Variants in TRIO observed in about 807,000 individuals in gnomAD.
The protein encoded by TRIO is triple functional domain protein.
A neutral mutation model predicts 351.9 loss-of-function variants in TRIO; 58 were observed. The ratio of observed to expected loss-of-function variants is 0.16; its 90% CI spans 0.13 to 0.21. The LOEUF (loss-of-function observed/expected upper bound fraction) is 0.21, where lower values mean the gene tolerates loss of function less well. Ranked by LOEUF, TRIO falls within the 10% of genes least tolerant of loss-of-function variation. The pLI is 1.00. For synonymous variants in TRIO, 1,758 were observed against 1,595.7 expected, an observed-to-expected ratio of 1.10 and a Z score of -2.42; for missense variants, 3,201 against 4,027.8, an observed-to-expected ratio of 0.79 and a Z score of 5.56.
chr5:14,405,707 A>T, intron 31 of TRIO, 141 bp from the exon 32 acceptor site: 1 of 965,098 alleles, frequency 1.0e-6, no homozygotes, highest in Non-Finnish European at 1.5e-6. Flanking sequence ...GTAGCATATT[A>T]AACGTCGGAT....
rs1249325273 is a variant in TRIO at position 14,488,109 on chromosome 5, C to T, written c.7481C>T (p.Ala2494Val). 1.2e-6 allele frequency: 2 copies of T among 1,609,600 alleles called. No individual in the cohort carries two copies. Among genetic ancestry groups the T allele is most frequent in the Non-Finnish European group, 1.7e-6 (2 of 1,179,202 alleles). The change falls in exon 48 of 57, where the codon GCC becomes GTC. Residue 2494 changes from alanine (A) to valine (V), a missense_variant. By Grantham distance (64) the Ala-to-Val change is moderately conservative. Around this residue, in one of 19 missense-constraint regions of TRIO, gnomAD observed 1,089 missense variants for 954.9 expected, o/e 1.14. Coordinates refer to ENST00000344204, the MANE Select transcript of TRIO (RefSeq NM_007118.4). Reference protein sequence around the residue: ...SFWSSIPASPASRPGSFTFPG... With the variant: ...SFWSSIPASPVSRPGSFTFPG... ...TGGAGCTCCATCCCCGCCTCCCCCG[C>T]CAGCCGACCCGGCTCCTTCACCTTC...
intron 8 of TRIO, among the ~76,000 whole-genome samples, chr5:14,313,376 A>T (rs1454002954): frequency 1.3e-5 from 2 of 152,122 alleles, no homozygotes; most frequent in Non-Finnish European, 2.9e-5. Flanking sequence ...TGGCATGGAG[A>T]TCTGTTAAAC....
intron 1 of TRIO, among the ~76,000 whole-genome samples, chr5:14,265,370 G>T (rs370424095): frequency 7.5e-6 from 1 of 133,038 alleles, no homozygotes; most frequent in South Asian, 2.5e-4. Flanking sequence ...TAAAATTTCA[G>T]ATTACTAGTA....
chr5:14,251,359 G>A (rs7703674), intron 1 of TRIO, among the ~76,000 whole-genome samples: 1 of 152,082 alleles, frequency 6.6e-6, no homozygotes, highest in African/African-American at 2.4e-5. Flanking sequence ...CAGCACTCAC[G>A]GGCAGCACGT....
Position 14,507,949 on chromosome 5 carries a change from G to T in TRIO, c.8821G>T (p.Val2941Phe), listed in dbSNP as rs767953889. The T allele has an allele frequency of 1.2e-6, 2 of 1,614,212 alleles. No individual in the cohort carries two copies. The change falls in exon 57 of 57, where the codon GTT (valine) becomes TTT (phenylalanine). Residue 2941 changes from valine to phenylalanine, a missense_variant. Physicochemically the swap from Val to Phe is conservative, Grantham distance 50. Transcript: ENST00000344204. Reference sequence around the variant, plus strand: ...CAAACTGGCTGACTTTGGAGATGCTGTTCAGCTCAACACGACCTACTACAT... The same window carrying T: ...CAAACTGGCTGACTTTGGAGATGCTTTTCAGCTCAACACGACCTACTACAT... ...TIKLADFGDA[V>F]QLNTTYYIHQ...
At chr5:14,343,288 T>C (rs938129242) in intron 11 of TRIO, among the ~76,000 whole-genome samples, 4 of 152,162 alleles carry the variant, frequency 2.6e-5, no homozygotes, top group Non-Finnish European at 4.4e-5. Context: ...GTGTGTTTAG[T>C]CCTGTGCAAT....
At chr5:14,159,824 C>T (rs1721797737) in intron 1 of TRIO, among the ~76,000 whole-genome samples, 1 of 152,190 alleles carries the variant, frequency 6.6e-6, no homozygotes, top group Non-Finnish European at 1.5e-5. Flanking sequence ...CTCGGCCTCC[C>T]AAAGTGCTGG....
chr5:14,396,441 A>ATCTTTTTTTTTTTTT (rs1747590367), intron 28 of TRIO, among the ~76,000 whole-genome samples: 1 of 57,692 alleles, frequency 1.7e-5, no homozygotes, highest in Non-Finnish European at 4.0e-5. Context: ...ATTTCTATTT[A>ATCTTTTTTTTTTTTT]TCTTTTTTTT....
rs73057531 is a variant in TRIO, at chr5:14,210,083, G to A, written c.158-60742G>A. Among the ~76,000 whole-genome samples the A allele has an allele frequency of 8.0e-3, 1,215 of 152,374 alleles. 18 individuals carry two copies. The highest frequency in any genetic ancestry group is 0.028 in the African/African-American group (1,156 of 41,586). ...GCTGGGGCCACAACTAGGGCAGCGA[G>A]TGCAGGGTATGGCGCCCCAGGTGGG... On this transcript the variant is annotated intron_variant, in intron 1 of 56. Coordinates refer to ENST00000344204, the MANE Select transcript of TRIO (RefSeq NM_007118.4).
At chr5:14,410,793 G>A (rs955488468) in intron 33 of TRIO, among the ~76,000 whole-genome samples, 1 of 152,148 alleles carries the variant, frequency 6.6e-6, no homozygotes, top group Non-Finnish European at 1.5e-5. Context: ...CCCTGGAGAC[G>A]CCCTCTTTCC....
intron 35 of TRIO, among the ~76,000 whole-genome samples, chr5:14,461,936 T>C (rs1753849812): frequency 6.6e-6 from 1 of 152,234 alleles, no homozygotes; most frequent in Non-Finnish European, 1.5e-5. Context: ...ATTTTTTATG[T>C]CCTATTGACA....
intron 34 of TRIO, among the ~76,000 whole-genome samples, chr5:14,422,072 T>C (rs1008315291): frequency 1.3e-5 from 2 of 152,178 alleles, no homozygotes; most frequent in Non-Finnish European, 2.9e-5. Flanking sequence ...CACTCTCTCC[T>C]TTTGAGCCTC....
In TRIO at chr5:14,265,787, T is replaced by G. The variant is rs552598985; in HGVS notation, c.158-5038T>G. Among the ~76,000 whole-genome samples the G allele has an allele frequency of 9.2e-5, 14 of 152,344 alleles. No individual in the cohort carries two copies. The East Asian group carries it at 2.7e-3, about 29-fold the overall frequency. ...GTATTAGATAGTTGAAGTTCCAGAC[T>G]GTTGATTCAGTGGAAAGATATTTCA... On this transcript the variant is annotated intron_variant, in intron 1 of 56. Coordinates refer to ENST00000344204, the MANE Select transcript of TRIO (RefSeq NM_007118.4).
chr5:14,482,309 C>G lies in TRIO; in HGVS notation c.6466-273C>G, dbSNP rs548950765. 17 of 231,338 alleles carry G rather than the reference C, an allele frequency of 7.3e-5. No homozygotes were observed. In the Middle Eastern group the frequency reaches 5.5e-3, roughly 75 times the overall value. 14.3% of individuals were successfully genotyped at this position (231,338 alleles called of 1,614,324 possible). On this transcript the variant is annotated intron_variant, in intron 45 of 56. Coordinates refer to ENST00000344204, the MANE Select transcript of TRIO (RefSeq NM_007118.4). Reference sequence around the variant, plus strand: ...GGACCACACTTTGAGAACCACTGTTCTAGTATAAACCAGACATTTAAAACT... The same window carrying G: ...GGACCACACTTTGAGAACCACTGTTGTAGTATAAACCAGACATTTAAAACT...
At chr5:14,244,977 C>T (rs978034110) in intron 1 of TRIO, among the ~76,000 whole-genome samples, 1 of 152,224 alleles carries the variant, frequency 6.6e-6, no homozygotes, top group African/African-American at 2.4e-5. Flanking sequence ...GGGGATGCAG[C>T]TCCGAGTTAA....
At chr5:14,213,986 T>A (rs1161914718) in intron 1 of TRIO, among the ~76,000 whole-genome samples, 2 of 152,118 alleles carry the variant, frequency 1.3e-5, no homozygotes, top group Non-Finnish European at 2.9e-5. Flanking sequence ...TTCTAATGAC[T>A]CTCTGCTTTA....
rs772446694 is a variant in TRIO at position 14,498,587 on chromosome 5, T to C, written c.8279T>C (p.Ile2760Thr). The change falls in exon 53 of 57, where the codon ATC becomes ACC. Residue 2760 changes from isoleucine to threonine, a missense_variant. Around this residue, in one of 19 missense-constraint regions of TRIO, gnomAD observed 1,089 missense variants for 954.9 expected, o/e 1.14. Transcript: ENST00000344204. ...GAAGATGACGGCATCTACACGTGCA[T>C]CGCTGTCAATGACATGGGTTCAGCC... ...TTEDDGIYTC[I>T]AVNDMGSASS... 12 of 1,614,200 alleles carry C rather than the reference T, an allele frequency of 7.4e-6. No individual in the cohort carries two copies. The highest frequency in any genetic ancestry group is 1.6e-4 in the Middle Eastern group (1 of 6,062).
At chr5:14,321,787 C>T (rs577234918) in intron 9 of TRIO, among the ~76,000 whole-genome samples, 5 of 152,204 alleles carry the variant, frequency 3.3e-5, no homozygotes, top group East Asian at 3.9e-4. Context: ...GTAATTGAAT[C>T]GTGGGGGTGG....
At chr5:14,367,722 A>G (rs945872761) in intron 16 of TRIO, among the ~76,000 whole-genome samples, 1 of 152,256 alleles carries the variant, frequency 6.6e-6, no homozygotes, top group African/African-American at 2.4e-5. Flanking sequence ...CTCTGCTCAC[A>G]TACATGTTGT....
Sources: gnomAD v4.1 joint callset for allele counts (sites outside exome capture counted in the v4.1 genomes callset) on GRCh38, gnomAD v4.1.1 for gene constraint, gnomAD v4.1.1 regional missense constraint, MANE v1.5 for transcripts, NCBI Gene and HGNC (gene_info 2026-07-23, HGNC 2026-07-21) for gene names.